The following ERC1 variants were observed in gnomAD, a reference collection of about 807,000 sequenced individuals.
ERC1 encodes ELKS/RAB6-interacting/CAST family member 1.
ERC1 carries 56 observed loss-of-function variants against 132.0 expected under a neutral mutation model. The observed-to-expected ratio is 0.42, with a 90% CI of 0.34 to 0.53. The LOEUF (loss-of-function observed/expected upper bound fraction) is 0.53. Among genes scored for constraint, ERC1 ranks in the 20% least tolerant of loss-of-function variants. ERC1 has a pLI of 0.03. For missense variants in ERC1, 1,202 were observed against 1,349.9 expected, an observed-to-expected ratio of 0.89 and a Z score of 1.72; for synonymous variants, 478 against 476.1, an observed-to-expected ratio of 1.00 and a Z score of -0.05.
At chr12:1,304,318 C>CTTCCTTAGATATATGAA in intron 15 of ERC1, among the ~76,000 whole-genome samples, 1 of 152,308 alleles carries the variant, frequency 6.6e-6, no homozygotes, top group Non-Finnish European at 1.5e-5. Context: ...TCCTAGGTCT[C>CTTCCTTAGATATATGAA]TTCCTTAGAT....
intron 1 of ERC1, among the ~76,000 whole-genome samples, chr12:1,011,962 C>G (rs1277296785): frequency 6.6e-6 from 1 of 151,920 alleles, no homozygotes; most frequent in Non-Finnish European, 1.5e-5. Context: ...AAAGCATATC[C>G]TTTTTCATTA....
chr12:1,048,812 T>C (rs1971470253), intron 2 of ERC1, among the ~76,000 whole-genome samples: 1 of 152,230 alleles, frequency 6.6e-6, no homozygotes, highest in Non-Finnish European at 1.5e-5. Flanking sequence ...TATAATATAA[T>C]TACGAAAGGG....
intron 2 of ERC1, among the ~76,000 whole-genome samples, chr12:1,050,936 C>T (rs1209148427): frequency 3.3e-5 from 5 of 151,706 alleles, no homozygotes; most frequent in African/African-American, 7.3e-5. Context: ...ACCCGGGAGG[C>T]GGAAGTTGCA....
intron 15 of ERC1, among the ~76,000 whole-genome samples, chr12:1,321,342 G>GTGTGTGTATA (rs112838015): frequency 6.6e-4 from 101 of 152,130 alleles, no homozygotes; most frequent in African/African-American, 2.2e-3. Flanking sequence ...GTGTGTGTGT[G>GTGTGTGTATA]TATATTTTGC....
intron 2 of ERC1, among the ~76,000 whole-genome samples, chr12:1,061,989 C>CTTTTTTT (rs896825718): frequency 1.2e-4 from 14 of 117,384 alleles, no homozygotes; most frequent in Non-Finnish European, 1.9e-4. Flanking sequence ...TTCTTTTCTT[C>CTTTTTTT]TTTTTTTTTT....
At chr12:1,479,931 C>T (rs2094053567) in intron 18 of ERC1, among the ~76,000 whole-genome samples, 1 of 152,202 alleles carries the variant, frequency 6.6e-6, no homozygotes, top group South Asian at 2.1e-4. Context: ...GCCCTCACGC[C>T]TGTCCTCATC....
At chr12:1,114,759 A>G (rs186779142) in intron 6 of ERC1, among the ~76,000 whole-genome samples, 1 of 152,370 alleles carries the variant, frequency 6.6e-6, no homozygotes, top group Non-Finnish European at 1.5e-5. Flanking sequence ...TTTGTATACA[A>G]TAAGCATACA....
intron 7 of ERC1, among the ~76,000 whole-genome samples, chr12:1,128,355 G>C (rs114439691): frequency 0.013 from 2,022 of 152,250 alleles, 59 homozygotes; most frequent in African/African-American, 0.046. Flanking sequence ...CATGACTATT[G>C]AGAGCAAAAG....
At chr12:1,245,526 T>G (rs2076104720) in intron 13 of ERC1, among the ~76,000 whole-genome samples, 1 of 152,234 alleles carries the variant, frequency 6.6e-6, no homozygotes, top group Non-Finnish European at 1.5e-5. Context: ...ATGATTCATT[T>G]CTTTTCAATT....
At chr12:1,084,624 A>AC (rs1183868215) in intron 3 of ERC1, among the ~76,000 whole-genome samples, 4 of 152,044 alleles carry the variant, frequency 2.6e-5, no homozygotes, top group Non-Finnish European at 4.4e-5. Flanking sequence ...AACTCAAAGT[A>AC]TTGTTACCTA....
At chr12:1,264,329 G>GATCCCA (rs2077336165) in intron 14 of ERC1, among the ~76,000 whole-genome samples, 1 of 152,150 alleles carries the variant, frequency 6.6e-6, no homozygotes, top group African/African-American at 2.4e-5. Flanking sequence ...AACAAGTGAA[G>GATCCCA]GTTATAATCC....
At chr12:1,142,718 G>T (rs1036327676) in intron 8 of ERC1, among the ~76,000 whole-genome samples, 7 of 152,288 alleles carry the variant, frequency 4.6e-5, no homozygotes, top group African/African-American at 1.7e-4. Context: ...TTCTTTCATT[G>T]TAAGTAAAGT....
intron 15 of ERC1, among the ~76,000 whole-genome samples, chr12:1,305,116 A>T (rs890664575): frequency 6.6e-6 from 1 of 151,962 alleles, no homozygotes; most frequent in Non-Finnish European, 1.5e-5. Flanking sequence ...CTTGTTTTCT[A>T]ATCTTTGGTA....
chr12:1,374,122 A>G (rs546887702), intron 16 of ERC1, among the ~76,000 whole-genome samples: 1 of 152,212 alleles, frequency 6.6e-6, no homozygotes, highest in South Asian at 2.1e-4. Flanking sequence ...TGGAAAGAGG[A>G]TATGGCATCA....
At chr12:1,146,315 T>TG (rs1950350375) in intron 8 of ERC1, among the ~76,000 whole-genome samples, 2 of 138,650 alleles carry the variant, frequency 1.4e-5, no homozygotes, top group South Asian at 2.2e-4. Flanking sequence ...CTGGTTTTTT[T>TG]TTTTTTTTTT....
intron 1 of ERC1, among the ~76,000 whole-genome samples, chr12:1,002,227 G>A (rs1962517378): frequency 7.7e-6 from 1 of 130,424 alleles, no homozygotes; most frequent in Non-Finnish European, 1.6e-5. Context: ...AGACTGGAGT[G>A]AAGTGTTGTG....
At chr12:1,455,038 C>T (rs978844056) in intron 18 of ERC1, among the ~76,000 whole-genome samples, 1 of 152,096 alleles carries the variant, frequency 6.6e-6, no homozygotes, top group African/African-American at 2.4e-5. Context: ...AATTATGGTA[C>T]GAAGTGTCTT....
At chr12:998,961 G>C (rs1961559512) in intron 1 of ERC1, among the ~76,000 whole-genome samples, 3 of 149,764 alleles carry the variant, frequency 2.0e-5, no homozygotes, top group South Asian at 2.1e-4. Context: ...CTGGGTTCAA[G>C]TGATTCTCCT....
At chr12:1,112,183 A>G (rs546386444) in intron 5 of ERC1, 32 bp from the exon 6 acceptor site, 77 of 1,496,062 alleles carry the variant, frequency 5.1e-5, no homozygotes, top group Admixed American at 5.1e-4. Flanking sequence ...AAGTTGACAC[A>G]TAAGTGAAAA....
Sources: allele counts gnomAD v4.1 joint callset (sites outside exome capture counted in the v4.1 genomes callset), GRCh38; gene constraint gnomAD v4.1.1; transcripts MANE v1.5; gene names NCBI Gene and HGNC (gene_info 2026-07-23, HGNC 2026-07-21).